Variants in AUTS2 observed in about 807,000 individuals in gnomAD.
AUTS2 encodes activator of transcription and developmental regulator AUTS2.
A neutral mutation model predicts 112.4 loss-of-function variants in AUTS2; 17 were observed. The ratio of observed to expected loss-of-function variants is 0.15; its 90% CI spans 0.10 to 0.23. The LOEUF is 0.23. Among genes scored for constraint, AUTS2 ranks in the 10% least tolerant of loss-of-function variants. AUTS2 has a pLI of 1.00. For missense variants in AUTS2, 1,510 were observed against 1,701.6 expected (o/e 0.89, Z 1.98); for synonymous variants, 751 against 702.7 (o/e 1.07, Z -1.09).
chr7:70,634,998 T>A (rs1380593184), intron 5 of AUTS2, among the ~76,000 whole-genome samples: 1 of 152,116 alleles, frequency 6.6e-6, no homozygotes, highest in Non-Finnish European at 1.5e-5. Flanking sequence ...TTATACCCCT[T>A]CACCATCTGT....
chr7:70,004,420 AT>A (rs1317781959), intron 2 of AUTS2, among the ~76,000 whole-genome samples: 3 of 28,818 alleles, frequency 1.0e-4, no homozygotes, highest in African/African-American at 4.7e-4. Context: ...TATATAATAT[AT>A]TATATATATA....
chr7:70,112,311 C>CATAACAGA lies in AUTS2; in HGVS notation c.523-5818_523-5817insACAGAATA, dbSNP rs201843103. Among the ~76,000 whole-genome samples, 943 of 152,012 alleles carry CATAACAGA rather than the reference C, an allele frequency of 6.2e-3. 8 individuals carry two copies. Among genetic ancestry groups the CATAACAGA allele is most frequent in the East Asian group, 0.016 (83 of 5,178 alleles). On this transcript the variant is annotated intron_variant, in intron 2 of 18. Transcript: ENST00000342771. ...ATAAAATACTGTTATTACTTTTTAT[C>CATAACAGA]ATAGAGAAGTCTGTTCATATAATTT... is the stretch of plus-strand genomic sequence containing the variant.
At chr7:70,074,476 C>T (rs751792200) in intron 2 of AUTS2, among the ~76,000 whole-genome samples, 2 of 152,140 alleles carry the variant, frequency 1.3e-5, no homozygotes, top group Admixed American at 6.6e-5. Flanking sequence ...TTGAGTCTCA[C>T]TCTTTTTATT....
intron 5 of AUTS2, among the ~76,000 whole-genome samples, chr7:70,470,552 G>A (rs185868396): frequency 6.6e-6 from 1 of 152,290 alleles, no homozygotes; most frequent in East Asian, 1.9e-4. Flanking sequence ...ATCTAAACAT[G>A]GACTGGGCCC....
intron 4 of AUTS2, among the ~76,000 whole-genome samples, chr7:70,372,710 A>G (rs1172551727): frequency 6.6e-6 from 1 of 151,388 alleles, no homozygotes; most frequent in African/African-American, 2.4e-5. Flanking sequence ...TGGAAAGAAA[A>G]CGAGAGGTAT....
chr7:70,707,912 T>G (rs558869858), intron 6 of AUTS2, among the ~76,000 whole-genome samples: 86 of 152,340 alleles, frequency 5.6e-4, no homozygotes, highest in Middle Eastern at 6.8e-3. Flanking sequence ...AAATCTGTGC[T>G]GTTAACAGGG....
chr7:70,641,163 A>T (rs1805807865), intron 5 of AUTS2, among the ~76,000 whole-genome samples: 1 of 152,096 alleles, frequency 6.6e-6, no homozygotes, highest in South Asian at 2.1e-4. Context: ...GGCTCAGAAC[A>T]CTCTTTATCT....
chr7:70,163,349 G>GGC (rs1808206107), intron 4 of AUTS2, among the ~76,000 whole-genome samples: 1 of 105,796 alleles, frequency 9.5e-6, no homozygotes, highest in Non-Finnish European at 2.2e-5. Context: ...GGTGGTGGGG[G>GGC]GGGGGGGGGC....
At chr7:69,826,408 A>G (rs1791247618) in intron 1 of AUTS2, among the ~76,000 whole-genome samples, 1 of 152,214 alleles carries the variant, frequency 6.6e-6, no homozygotes, top group South Asian at 2.1e-4. Context: ...AAATCCCTTC[A>G]GTACACTGAG....
chr7:70,115,063 G>A (rs1397722468), intron 2 of AUTS2, among the ~76,000 whole-genome samples: 1 of 152,166 alleles, frequency 6.6e-6, no homozygotes, highest in Non-Finnish European at 1.5e-5. Flanking sequence ...AGGGCACTGG[G>A]AAGGCTAGCA....
chr7:70,066,577 GTCACCCA>G (rs909498612), intron 2 of AUTS2, among the ~76,000 whole-genome samples: 7 of 136,902 alleles, frequency 5.1e-5, no homozygotes, highest in Non-Finnish European at 7.6e-5. Context: ...GTCTTGCTCT[GTCACCCA>G]GGCTGGAGTG....
intron 1 of AUTS2, among the ~76,000 whole-genome samples, chr7:69,861,255 A>G (rs1792970472): frequency 6.6e-6 from 1 of 152,218 alleles, no homozygotes; most frequent in South Asian, 2.1e-4. Flanking sequence ...TGAAGGACCC[A>G]TAAATGGATT....
rs1791933953 is a variant in AUTS2, at chr7:70,791,218, C to T, written c.*222C>T. The T allele has an allele frequency of 4.7e-6, 2 of 427,328 alleles. No individual in the cohort carries two copies. The highest frequency in any genetic ancestry group is 1.3e-4 in the South Asian group (1 of 7,878). The allele number at this position is 427,328 out of a possible 1,614,324, so 26.5% of individuals were successfully genotyped here. A position where few individuals can be genotyped will look rare whatever the true frequency, so the allele number is the denominator to read the frequency against. On this transcript the variant is annotated 3_prime_UTR_variant, in exon 19 of 19. Coordinates refer to ENST00000342771, the MANE Select transcript of AUTS2 (RefSeq NM_015570.4). ...AGCCCAGTCATATGTTCTCACGTCT[C>T]CTACTTTTTGTTTCTCGTATAAAAC...
chr7:70,645,004 A>G (rs1806072524), intron 5 of AUTS2, among the ~76,000 whole-genome samples: 1 of 152,192 alleles, frequency 6.6e-6, no homozygotes, highest in Admixed American at 6.5e-5. Flanking sequence ...ATGGCCTAAA[A>G]TGGAGTATTG....
At chr7:70,124,853 G>A (rs570198530) in intron 3 of AUTS2, among the ~76,000 whole-genome samples, 6 of 152,296 alleles carry the variant, frequency 3.9e-5, no homozygotes, top group East Asian at 3.9e-4. Flanking sequence ...GAGCCACCGC[G>A]CCCAGCCCAG....
chr7:70,783,459 A>AGTT (rs1791227851), intron 15 of AUTS2: 1 of 152,200 alleles, frequency 6.6e-6, no homozygotes, highest in African/African-American at 2.4e-5. Flanking sequence ...ACATAAATCG[A>AGTT]GTTAACAGAG....
At chr7:70,455,178 A>G (rs60319470) in intron 5 of AUTS2, among the ~76,000 whole-genome samples, 20,597 of 152,150 alleles carry the variant, frequency 0.14, 1,424 homozygotes, top group Middle Eastern at 0.17. Context: ...TAATGCCCAT[A>G]ATGGATGGAG....
chr7:70,178,166 T>C (rs1218103917), intron 4 of AUTS2, among the ~76,000 whole-genome samples: 1 of 152,158 alleles, frequency 6.6e-6, no homozygotes, highest in Non-Finnish European at 1.5e-5. Flanking sequence ...TGCTTTGAGT[T>C]TGGGACCCCT....
At chr7:69,876,378 ATATATG>A (rs1271958199) in intron 1 of AUTS2, among the ~76,000 whole-genome samples, 1 of 113,114 alleles carries the variant, frequency 8.8e-6, no homozygotes, top group Non-Finnish European at 1.8e-5. Context: ...ATATATATAT[ATATATG>A]TATATATAAT....
Sources: allele counts gnomAD v4.1 joint callset (sites outside exome capture counted in the v4.1 genomes callset), GRCh38; gene constraint gnomAD v4.1.1; transcripts MANE v1.5; gene names NCBI Gene and HGNC (gene_info 2026-07-23, HGNC 2026-07-21).